The following CALN1 variants were observed in gnomAD, a reference collection of about 807,000 sequenced individuals.
CALN1 encodes the protein calcium-binding protein 8.
In CALN1, 17 loss-of-function variants were observed where a neutral mutation model predicts 30.6. The observed-to-expected ratio is 0.56, with a 90% CI of 0.38 to 0.83. CALN1 has a LOEUF of 0.83. Among genes scored for constraint, CALN1 ranks in the 40% least tolerant of loss-of-function variants. The probability of loss-of-function intolerance (pLI) is 0.00; values close to 1 mark genes in which losing one functional copy is unlikely to be tolerated. For synonymous variants in CALN1, 156 were observed against 131.4 expected (o/e 1.19, Z -1.28); for missense variants, 291 against 354.9 (o/e 0.82, Z 1.45).
intron 2 of CALN1, among the ~76,000 whole-genome samples, chr7:72,361,071 G>T (rs900157737): frequency 2.6e-5 from 4 of 152,006 alleles, no homozygotes; most frequent in Non-Finnish European, 4.4e-5. Context: ...GGCATTTGTT[G>T]CAATGAGAAT....
chr7:71,850,245 T>C (rs1343288632), intron 5 of CALN1, among the ~76,000 whole-genome samples: 1 of 152,188 alleles, frequency 6.6e-6, no homozygotes. Flanking sequence ...AGATGGAGTC[T>C]TGGTCTGTCA....
chr7:72,387,497 C>T (rs983029521), intron 2 of CALN1, among the ~76,000 whole-genome samples: 2 of 152,044 alleles, frequency 1.3e-5, no homozygotes, highest in Non-Finnish European at 2.9e-5. Flanking sequence ...CCCTCCGCCC[C>T]GGGTGATCAA....
intron 5 of CALN1, among the ~76,000 whole-genome samples, chr7:71,916,235 T>C (rs1794682441): frequency 6.6e-6 from 1 of 151,996 alleles, no homozygotes; most frequent in African/African-American, 2.4e-5. Context: ...GATATAAACA[T>C]ATCTGTTAGT....
chr7:71,848,752 T>C (rs1790467594), intron 5 of CALN1, among the ~76,000 whole-genome samples: 1 of 152,038 alleles, frequency 6.6e-6, no homozygotes, highest in Non-Finnish European at 1.5e-5. Context: ...TAAAACATAA[T>C]AGAAAAAAAT....
chr7:72,387,987 A>G (rs1236954055), intron 2 of CALN1, among the ~76,000 whole-genome samples: 1 of 152,216 alleles, frequency 6.6e-6, no homozygotes. Flanking sequence ...GTAATTAACA[A>G]TAACATGTTG....
intron 4 of CALN1, among the ~76,000 whole-genome samples, chr7:72,054,544 CATATAT>C (rs35330773): frequency 1.1e-5 from 1 of 95,048 alleles, no homozygotes; most frequent in Non-Finnish European, 2.5e-5. Flanking sequence ...TATATATATA[CATATAT>C]ATATATATAT....
intron 2 of CALN1, among the ~76,000 whole-genome samples, chr7:72,350,475 T>C (rs1802863629): frequency 6.6e-6 from 1 of 152,190 alleles, no homozygotes; most frequent in African/African-American, 2.4e-5. Flanking sequence ...ATCATGTCTT[T>C]TGCACAACAG....
At chr7:72,115,484 C>CT (rs71069026) in intron 3 of CALN1, among the ~76,000 whole-genome samples, 4,940 of 80,652 alleles carry the variant, frequency 0.061, 241 homozygotes, top group African/African-American at 0.14. Flanking sequence ...CATATACATT[C>CT]TTTTTTTTTT....
chr7:72,226,520 G>A (rs545201783), intron 3 of CALN1, among the ~76,000 whole-genome samples: 4 of 152,140 alleles, frequency 2.6e-5, no homozygotes, highest in Non-Finnish European at 5.9e-5. Flanking sequence ...ACCCCACATT[G>A]TTAGGACTTC....
chr7:71,880,206 T>G (rs1264517894), intron 5 of CALN1, among the ~76,000 whole-genome samples: 4 of 152,184 alleles, frequency 2.6e-5, no homozygotes, highest in African/African-American at 9.7e-5. Flanking sequence ...GTTGATTAGT[T>G]TGATCCTTCA....
At chr7:71,798,164 AGAGAGAGAGAG>A (rs1787072988) in intron 6 of CALN1, among the ~76,000 whole-genome samples, 4 of 147,230 alleles carry the variant, frequency 2.7e-5, no homozygotes, top group Non-Finnish European at 4.5e-5. Context: ...AGAGAGAGAG[AGAGAGAGAGAG>A]ATGTTGCTTG....
intron 4 of CALN1, among the ~76,000 whole-genome samples, chr7:72,037,142 A>C (rs1028987500): frequency 7.5e-6 from 1 of 133,474 alleles, no homozygotes; most frequent in Admixed American, 7.6e-5. Context: ...CCTAGCCTTA[A>C]ATATCTTTTC....
chr7:71,926,821 ATTTT>A (rs542538513), intron 5 of CALN1, among the ~76,000 whole-genome samples: 14 of 151,960 alleles, frequency 9.2e-5, no homozygotes, highest in African/African-American at 3.1e-4. Context: ...CTGTTATTGT[ATTTT>A]TTATTTCTAA....
At chr7:71,946,575 C>T (rs1055575932) in intron 5 of CALN1, among the ~76,000 whole-genome samples, 9 of 152,100 alleles carry the variant, frequency 5.9e-5, no homozygotes, top group Admixed American at 1.3e-4. Flanking sequence ...TTGCCTAGGC[C>T]GGTCTTGAAC....
chr7:71,832,341 T>C (rs1404831986), intron 5 of CALN1, among the ~76,000 whole-genome samples: 1 of 152,214 alleles, frequency 6.6e-6, no homozygotes, highest in African/African-American at 2.4e-5. Context: ...AAGCCATTTC[T>C]GATGGGGTTT....
At chr7:72,163,194 G>C (rs1306595577) in intron 3 of CALN1, among the ~76,000 whole-genome samples, 1 of 152,134 alleles carries the variant, frequency 6.6e-6, no homozygotes, top group Non-Finnish European at 1.5e-5. Context: ...CCAAAACTGA[G>C]GGGTTCATCC....
At chr7:72,362,719 G>T (rs138003926) in intron 2 of CALN1, among the ~76,000 whole-genome samples, 3 of 152,034 alleles carry the variant, frequency 2.0e-5, no homozygotes, top group Non-Finnish European at 4.4e-5. Flanking sequence ...TCTGTGGCCC[G>T]TTGTCCTGGG....
chr7:72,171,687 A>T (rs144722715), intron 3 of CALN1, among the ~76,000 whole-genome samples: 1 of 152,274 alleles, frequency 6.6e-6, no homozygotes, highest in African/African-American at 2.4e-5. Context: ...ATTTTTGAAG[A>T]TCTTTGTACC....
chr7:71,936,322 C>T (rs1057389156), intron 5 of CALN1, among the ~76,000 whole-genome samples: 1 of 151,580 alleles, frequency 6.6e-6, no homozygotes, highest in Admixed American at 6.6e-5. Flanking sequence ...CAAGGTGAAA[C>T]CCCATCTCTA....
Sources: allele counts gnomAD v4.1 joint callset (sites outside exome capture counted in the v4.1 genomes callset), GRCh38; gene constraint gnomAD v4.1.1; transcripts MANE v1.5; gene names NCBI Gene and HGNC (gene_info 2026-07-23, HGNC 2026-07-21).